Variants in UBR1 observed in about 807,000 individuals in gnomAD.
The protein encoded by UBR1 is ubiquitin protein ligase E3 component n-recognin 1.
A neutral mutation model predicts 242.1 loss-of-function variants in UBR1; 102 were observed. That is an observed-to-expected ratio of 0.42 (90% CI 0.36 to 0.50). The LOEUF (loss-of-function observed/expected upper bound fraction) is 0.50, where lower values mean the gene tolerates loss of function less well. UBR1 is among the 20% of genes least tolerant of loss of function. The pLI is 0.01. For missense variants in UBR1, 1,772 were observed against 2,101.8 expected, an observed-to-expected ratio of 0.84 and a Z score of 3.07; for synonymous variants, 675 against 684.8, an observed-to-expected ratio of 0.99 and a Z score of 0.22.
chr15:42,999,077 A>G (rs1439973276), intron 32 of UBR1, among the ~76,000 whole-genome samples: 1 of 151,206 alleles, frequency 6.6e-6, no homozygotes, highest in Non-Finnish European at 1.5e-5. Flanking sequence ...AGTTGCTGGG[A>G]TTACAAGTGC....
intron 39 of UBR1, among the ~76,000 whole-genome samples, chr15:42,972,422 G>A (rs1341124169): frequency 6.6e-6 from 1 of 151,992 alleles, no homozygotes; most frequent in Non-Finnish European, 1.5e-5. Context: ...AGACTGGAGT[G>A]TAGTGGTGCA....
chr15:42,972,255 C>CAT (rs2032219149), intron 39 of UBR1, among the ~76,000 whole-genome samples: 1 of 152,180 alleles, frequency 6.6e-6, no homozygotes, highest in South Asian at 2.1e-4. Flanking sequence ...TCTAGCGTGT[C>CAT]ATATAGTTGG....
chr15:42,994,000 T>G (rs886663850), intron 33 of UBR1, among the ~76,000 whole-genome samples: 2 of 152,182 alleles, frequency 1.3e-5, no homozygotes, highest in Non-Finnish European at 1.5e-5. Flanking sequence ...CTCCATGGAT[T>G]TGATCTGTGT....
intron 15 of UBR1, among the ~76,000 whole-genome samples, chr15:43,039,514 T>C (rs2141319675): frequency 1.3e-5 from 2 of 152,328 alleles, no homozygotes. Flanking sequence ...CTTGTGATTT[T>C]TGCACATTGA....
At chr15:42,970,271 T>C (rs189004571) in intron 40 of UBR1, among the ~76,000 whole-genome samples, 29 of 152,300 alleles carry the variant, frequency 1.9e-4, no homozygotes, top group Non-Finnish European at 2.9e-5. Context: ...TAAATGGTGT[T>C]GGGAAAACTG....
intron 5 of UBR1, 53 bp from the exon 6 acceptor site, chr15:43,068,089 T>TAAAAAAAAAAAAAAAAAAAAAAAA: frequency 3.8e-6 from 3 of 787,320 alleles, no homozygotes; most frequent in East Asian, 3.9e-5. Context: ...AAAGGAAAAG[T>TAAAAAAAAAAAAAAAAAAAAAAAA]AAAAAAAAAA....
At position 42,952,173 on chromosome 15, in the gene UBR1, T is replaced by A. The variant is rs957687064; in HGVS notation, c.5006+105A>T. 2.2e-6 allele frequency: 3 copies of A among 1,387,478 alleles called. No individual in the cohort carries two copies. The African/African-American group carries it at 4.3e-5, about 20-fold the overall frequency. 85.9% of individuals were successfully genotyped at this position (1,387,478 alleles called of 1,614,324 possible). The stretch of plus-strand genomic sequence containing the variant: ...AATAACAGGTTAATACTCTAACTTC[T>A]GATTGATTATTTGCTATCAACACAC... On this transcript the variant is annotated intron_variant, in intron 45 of 46. Coordinates refer to ENST00000290650, the MANE Select transcript of UBR1 (RefSeq NM_174916.3).
intron 20 of UBR1, 143 bp downstream of exon 20, chr15:43,032,425 A>G: frequency 3.4e-6 from 2 of 595,398 alleles, no homozygotes; most frequent in South Asian, 4.2e-5. Flanking sequence ...AAAAATAAAA[A>G]TGTAAAATCT....
chr15:43,104,924 T>C (rs1053992203), intron 1 of UBR1, among the ~76,000 whole-genome samples: 25 of 152,154 alleles, frequency 1.6e-4, no homozygotes, highest in Non-Finnish European at 2.9e-5. Flanking sequence ...GGAGAATTCC[T>C]GAACTCGGGA....
rs748063920 is a variant in UBR1, at chr15:43,063,758, G to A, written c.799-3644C>T. Among the ~76,000 whole-genome samples the A allele has an allele frequency of 8.1e-5, 12 of 148,640 alleles. 1 individual carries two copies. Among genetic ancestry groups the A allele is most frequent in the South Asian group, 4.2e-4 (2 of 4,734 alleles). On this transcript the variant is annotated intron_variant, in intron 6 of 46. Coordinates refer to ENST00000290650, the MANE Select transcript of UBR1 (RefSeq NM_174916.3). ...TTATTATTTTTTGAGATGGAGTTTCGTTCATCGTTGCCCAGGCTGGATGCA... is the reference window on the plus strand; with the variant it reads ...TTATTATTTTTTGAGATGGAGTTTCATTCATCGTTGCCCAGGCTGGATGCA...
intron 19 of UBR1, among the ~76,000 whole-genome samples, chr15:43,033,569 C>T (rs2141313990): frequency 6.6e-6 from 1 of 152,126 alleles, no homozygotes; most frequent in East Asian, 1.9e-4. Flanking sequence ...CAGGAGAATC[C>T]CTTGAATCCG....
rs1442888553 is a variant in UBR1 at position 42,943,468 on chromosome 15, G to GA, written c.*1860dup. On this transcript the variant is annotated 3_prime_UTR_variant, in exon 47 of 47. Transcript: ENST00000290650. ...AAATCTGAATCAATCTCAATCAGTG[G>GA]AACGCAATATGAAATGGGTTCTTTG... The GA allele has an allele frequency of 6.6e-6, 1 of 152,580 alleles. No individual in the cohort carries two copies. The highest frequency in any genetic ancestry group is 1.9e-4 in the East Asian group (1 of 5,198). The allele number at this position is 152,580 out of a possible 1,614,324, so 9.5% of individuals were successfully genotyped here.
chr15:42,946,929 A>G (rs1176487425), intron 46 of UBR1, among the ~76,000 whole-genome samples: 2 of 152,076 alleles, frequency 1.3e-5, no homozygotes, highest in Admixed American at 6.6e-5. Context: ...GGGCAGATCA[A>G]CTGAGGTCAG....
In UBR1 at chr15:43,032,578, G is replaced by T; in HGVS notation, c.2244C>A (p.Ile748=). The T allele has an allele frequency of 6.5e-7, 1 of 1,536,836 alleles. No individual in the cohort carries two copies. Residue 748 remains isoleucine (I), a synonymous_variant, in exon 20 of 47, where the codon ATC becomes ATA. Transcript: ENST00000290650. ...GTGTTTTAATCTTACCCACAATATA[G>T]ATGAGGACCTGAAGCATTTCTTCTA... ...TLIEEMLQVL[I]YIVGERYVPG...
At chr15:43,093,652 T>C (rs1183457115) in intron 1 of UBR1, among the ~76,000 whole-genome samples, 1 of 152,018 alleles carries the variant, frequency 6.6e-6, no homozygotes, top group Non-Finnish European at 1.5e-5. Context: ...CATGGTAGCA[T>C]GAGCCTGTAG....
intron 19 of UBR1, among the ~76,000 whole-genome samples, chr15:43,035,381 G>T (rs557445299): frequency 1.3e-5 from 2 of 152,264 alleles, no homozygotes; most frequent in East Asian, 3.9e-4. Context: ...ATTTCAGGAG[G>T]TATGGTTAAG....
chr15:43,036,462 T>C, intron 18 of UBR1, 66 bp downstream of exon 18: 1 of 1,319,280 alleles, frequency 7.6e-7, no homozygotes, highest in Non-Finnish European at 1.1e-6. Context: ...CATTATCTTC[T>C]CTCCTTAGAA....
intron 13 of UBR1, 49 bp from the exon 14 acceptor site, chr15:43,047,338 T>A (rs200092504): frequency 1.4e-4 from 227 of 1,613,540 alleles, no homozygotes; most frequent in Non-Finnish European, 1.8e-4. Flanking sequence ...CCTCTCTCTT[T>A]GCTCTGCTCT....
At chr15:43,073,604 G>A (rs770820535) in intron 4 of UBR1, among the ~76,000 whole-genome samples, 10 of 152,180 alleles carry the variant, frequency 6.6e-5, no homozygotes, top group African/African-American at 9.7e-5. Context: ...ACAGCTACTT[G>A]TCATTGTCAG....
Sources: gnomAD v4.1 joint callset for allele counts (sites outside exome capture counted in the v4.1 genomes callset) on GRCh38, gnomAD v4.1.1 for gene constraint, MANE v1.5 for transcripts, NCBI Gene and HGNC (gene_info 2026-07-23, HGNC 2026-07-21) for gene names.